Variants in SNRPN observed in about 807,000 individuals in gnomAD.
SNRPN encodes small nuclear ribonucleoprotein polypeptide N.
Under a neutral mutation model 25.2 loss-of-function variants are expected in SNRPN, and 7 were observed. The observed-to-expected ratio is 0.28, with a 90% CI of 0.16 to 0.52. SNRPN has a LOEUF of 0.52. Among genes scored for constraint, SNRPN ranks in the 20% least tolerant of loss-of-function variants. The pLI is 0.96. For synonymous variants in SNRPN, 124 were observed against 110.6 expected (o/e 1.12, Z -0.76); for missense variants, 196 against 322.5 (o/e 0.61, Z 3.00).
rs761310114 is a variant in SNRPN, at chr15:24,962,253, C to G, written c.-295+44C>G. The G allele has an allele frequency of 2.7e-6, 4 of 1,508,520 alleles. No homozygotes were observed. In the South Asian group the frequency reaches 4.5e-5, roughly 17 times the overall value. 93.4% of individuals were successfully genotyped at this position (1,508,520 alleles called of 1,614,324 possible). On this transcript the variant is annotated intron_variant, in intron 2 of 9. Coordinates refer to ENST00000390687, the MANE Select transcript of SNRPN (RefSeq NM_003097.6). The stretch of plus-strand genomic sequence containing the variant: ...GGGAACAAATGCAAGTCAGAATCTC[C>G]TTTCAGATTAGAACAAAATATCATG...
At chr15:24,827,387 C>A (rs115611602) in intron 1 of SNRPN, among the ~76,000 whole-genome samples, 2 of 151,386 alleles carry the variant, frequency 1.3e-5, no homozygotes, top group Non-Finnish European at 2.9e-5. Flanking sequence ...CGGTGGCGGG[C>A]GCCTGTAGTC....
intron 1 of SNRPN, among the ~76,000 whole-genome samples, chr15:24,956,692 C>T (rs1290945382): frequency 1.3e-5 from 2 of 152,138 alleles, no homozygotes; most frequent in African/African-American, 2.4e-5. Flanking sequence ...CCGGTTGTGG[C>T]GCAGTAGAGG....
chr15:24,844,585 C>T (rs1414922776), intron 2 of SNRPN, among the ~76,000 whole-genome samples: 1 of 152,028 alleles, frequency 6.6e-6, no homozygotes, highest in Non-Finnish European at 1.5e-5. Flanking sequence ...AGTGCAATGG[C>T]ACAGTCTTGG....
intron 3 of SNRPN, among the ~76,000 whole-genome samples, chr15:24,945,610 G>A (rs2061835302): frequency 6.6e-6 from 1 of 152,014 alleles, no homozygotes; most frequent in African/African-American, 2.4e-5. Context: ...GACCGTCAAG[G>A]GCTCTCTTTT....
At chr15:24,835,047 T>C in intron 2 of SNRPN, among the ~76,000 whole-genome samples, 1 of 43,338 alleles carries the variant, frequency 2.3e-5, no homozygotes, top group East Asian at 1.4e-3. Context: ...TATATATCTA[T>C]ATATAAAAAT....
At chr15:24,855,086 T>C (rs1327878264), upstream of SNRPN, among the ~76,000 whole-genome samples, 1 of 152,170 alleles carries the variant, frequency 6.6e-6, no homozygotes, top group Non-Finnish European at 1.5e-5. Context: ...CCTTTCAGGG[T>C]ACACTTTTTT....
intron 3 of SNRPN, among the ~76,000 whole-genome samples, chr15:24,927,583 G>A (rs2060505650): frequency 1.4e-5 from 2 of 145,328 alleles, no homozygotes; most frequent in African/African-American, 5.1e-5. Context: ...TGAGAACCGG[G>A]ATATACGTTT....
At chr15:24,855,740 C>A (rs2053319418), upstream of SNRPN, among the ~76,000 whole-genome samples, 1 of 139,314 alleles carries the variant, frequency 7.2e-6, no homozygotes, top group Admixed American at 7.7e-5. Flanking sequence ...TGCAGTGAGC[C>A]AAGATTGCAC....
At chr15:24,923,923 A>ATTTTTTTTTT (rs34575205) in intron 3 of SNRPN, among the ~76,000 whole-genome samples, 1 of 89,908 alleles carries the variant, frequency 1.1e-5, no homozygotes, top group Non-Finnish European at 2.0e-5. Context: ...GTATATAAAC[A>ATTTTTTTTTT]TTTTTTTTTT....
chr15:24,945,879 C>T (rs1338262561), intron 3 of SNRPN, among the ~76,000 whole-genome samples: 2 of 152,140 alleles, frequency 1.3e-5, no homozygotes, highest in Non-Finnish European at 2.9e-5. Context: ...CCCTTGCCTG[C>T]TTTCCTGTGG....
At chr15:24,924,536 A>C (rs2736696) in intron 3 of SNRPN, among the ~76,000 whole-genome samples, 125,200 of 152,046 alleles carry the variant, frequency 0.82, 51,772 homozygotes, top group East Asian at 0.99. Flanking sequence ...TCCCCACATA[A>C]CCTCAGTTGA....
intron 2 of SNRPN, chr15:24,909,382 A>C (rs144945145): frequency 0.011 from 16,934 of 1,600,270 alleles, 117 homozygotes; most frequent in Non-Finnish European, 0.013. Flanking sequence ...CAAGGCCTGC[A>C]TCCAAATAGC....
At position 24,871,694 on chromosome 15, in the gene SNRPN, C is replaced by G. The variant is rs143994213; in HGVS notation, c.-578-14822C>G. Among the ~76,000 whole-genome samples, 209 of 151,912 alleles carry G rather than the reference C, an allele frequency of 1.4e-3. 5 individuals carry two copies. Among genetic ancestry groups the G allele is most frequent in the African/African-American group, 4.5e-3 (186 of 41,484 alleles). On this transcript the variant is annotated intron_variant, in intron 1 of 11. Transcript: ENST00000400097. ...CAGTAGACCCTCATTACCTATATGA[C>G]TAGCAAATATTTTGTCTCTTTTTTT... is the stretch of plus-strand genomic sequence containing the variant.
At chr15:24,938,286 CA>C (rs2061357052) in intron 3 of SNRPN, among the ~76,000 whole-genome samples, 1 of 152,048 alleles carries the variant, frequency 6.6e-6, no homozygotes, top group Non-Finnish European at 1.5e-5. Flanking sequence ...ACCAACACAC[CA>C]GGCGAACTTT....
rs139684729 is a variant in SNRPN, at chr15:24,905,276, C to T, written c.-504-14735C>T. The stretch of plus-strand genomic sequence containing the variant: ...CTGTAAACCCAGCACTTTGGGAGGC[C>T]GAGGTGGGGGGATTATGAGGTCAGC... On this transcript the variant is annotated intron_variant, in intron 2 of 11. Coordinates refer to the SNRPN transcript ENST00000400097. Among the ~76,000 whole-genome samples the T allele has an allele frequency of 1.9e-3, 291 of 151,810 alleles. 1 individual carries two copies. The highest frequency in any genetic ancestry group is 6.8e-3 in the African/African-American group (280 of 41,384).
At chr15:24,889,594 C>T (rs1268718473) in intron 2 of SNRPN, among the ~76,000 whole-genome samples, 4 of 151,998 alleles carry the variant, frequency 2.6e-5, no homozygotes, top group East Asian at 1.9e-4. Flanking sequence ...CATGAGCCAC[C>T]GTGCCCGGCC....
rs200605556 is a variant in SNRPN at position 24,978,168 on chromosome 15, T to G, written c.560-25T>G. The G allele has an allele frequency of 2.5e-6, 4 of 1,606,732 alleles. No individual in the cohort carries two copies. In the African/African-American group the frequency reaches 4.0e-5, roughly 16 times the overall value. On this transcript the variant is annotated intron_variant, in intron 8 of 9. Transcript: ENST00000390687. Reference sequence around the variant, plus strand: ...TTTTCTAAGCCATTTTATGAGGCCTTTATTTCTACCATTTTTCACTGTAGG... The same window carrying G: ...TTTTCTAAGCCATTTTATGAGGCCTGTATTTCTACCATTTTTCACTGTAGG...
intron 1 of SNRPN, among the ~76,000 whole-genome samples, chr15:24,866,732 T>C: frequency 6.6e-6 from 1 of 152,144 alleles, no homozygotes; most frequent in East Asian, 1.9e-4. Flanking sequence ...CCGTTCTACA[T>C]CCCCACTTGT....
chr15:24,837,590 C>A (rs528940720), intron 2 of SNRPN, among the ~76,000 whole-genome samples: 1 of 151,766 alleles, frequency 6.6e-6, no homozygotes, highest in African/African-American at 2.4e-5. Flanking sequence ...AGGATGGTCT[C>A]GATCTCCTGA....
Sources: gnomAD v4.1 joint callset for allele counts (sites outside exome capture counted in the v4.1 genomes callset) on GRCh38, gnomAD v4.1.1 for gene constraint, MANE v1.5 for transcripts, NCBI Gene and HGNC (gene_info 2026-07-23, HGNC 2026-07-21) for gene names.